NRXN1: variants seen among roughly 807,000 people sequenced by gnomAD.
NRXN1 encodes neurexin-1.
NRXN1 carries 39 observed loss-of-function variants against 150.9 expected under a neutral mutation model. The observed-to-expected ratio is 0.26, with a 90% CI of 0.20 to 0.34. The LOEUF (loss-of-function observed/expected upper bound fraction) is 0.34, where lower values mean the gene tolerates loss of function less well. Ranked by LOEUF, NRXN1 falls within the 10% of genes least tolerant of loss-of-function variation. NRXN1 has a pLI of 1.00. For synonymous variants in NRXN1, 924 were observed against 757.0 expected (o/e 1.22, Z -3.62); for missense variants, 1,815 against 1,949.9 (o/e 0.93, Z 1.30).
intron 5 of NRXN1, among the ~76,000 whole-genome samples, chr2:50,710,195 G>A (rs1276706436): frequency 6.6e-6 from 1 of 152,112 alleles, no homozygotes; most frequent in African/African-American, 2.4e-5. Flanking sequence ...TTCAACTGTC[G>A]ACCACACGCC....
In NRXN1 at chr2:50,346,607, A is replaced by T. The variant is rs754161721; in HGVS notation, c.3365-109637T>A. ...CTTTTGTCGAGCTCCCATTTCTCTG[A>T]GCCTTAGGAGCCCAGGAGCGAGTGC... is the stretch of plus-strand genomic sequence containing the variant. On this transcript the variant is annotated intron_variant, in intron 17 of 22. Transcript: ENST00000401669. The surrounding 1 kb of genome is among the most constrained non-coding windows in gnomAD (Gnocchi z 5.0). 3.5e-6 allele frequency: 5 copies of T among 1,445,166 alleles called. No individual in the cohort carries two copies. The highest frequency in any genetic ancestry group is 4.8e-6 in the Non-Finnish European group (5 of 1,032,548). 89.5% of individuals were successfully genotyped at this position (1,445,166 alleles called of 1,614,324 possible). A position where few individuals can be genotyped will look rare whatever the true frequency, so the allele number is the denominator to read the frequency against.
chr2:49,971,712 A>AT (rs1677993255), intron 21 of NRXN1, among the ~76,000 whole-genome samples: 1 of 152,114 alleles, frequency 6.6e-6, no homozygotes, highest in Non-Finnish European at 1.5e-5. Context: ...TGCTTAGTGA[A>AT]TTTTTTTCCA....
At chr2:50,554,287 A>C (rs537487085) in intron 8 of NRXN1, 1 of 152,306 alleles carries the variant, frequency 6.6e-6, no homozygotes, top group East Asian at 1.9e-4. Flanking sequence ...TATGAAGTCA[A>C]CCAAGACAAC....
At chr2:50,884,430 T>C (rs1329125583) in intron 5 of NRXN1, among the ~76,000 whole-genome samples, 1 of 151,732 alleles carries the variant, frequency 6.6e-6, no homozygotes, top group African/African-American at 2.4e-5. Context: ...TGCATTTCTG[T>C]GATTCAAAAT....
At chr2:50,265,359 C>G (rs75794725) in intron 17 of NRXN1, among the ~76,000 whole-genome samples, 1 of 152,092 alleles carries the variant, frequency 6.6e-6, no homozygotes, top group African/African-American at 2.4e-5. Flanking sequence ...CTCTTTTCTA[C>G]GTGAGATTAA....
At chr2:50,013,273 C>CTTTTTTTTTTT (rs3046630) in intron 21 of NRXN1, among the ~76,000 whole-genome samples, 2 of 136,152 alleles carry the variant, frequency 1.5e-5, no homozygotes, top group Admixed American at 7.5e-5. Flanking sequence ...ATTAAAGTTT[C>CTTTTTTTTTTT]TTTTTTTTTT....
chr2:50,354,607 T>A (rs1468561086), intron 17 of NRXN1, among the ~76,000 whole-genome samples: 1 of 130,666 alleles, frequency 7.7e-6, no homozygotes, highest in Non-Finnish European at 1.6e-5. Flanking sequence ...ACTAGCTTTT[T>A]GCTGTTGTTT....
intron 18 of NRXN1, among the ~76,000 whole-genome samples, chr2:50,146,705 T>C (rs538955685): frequency 4.0e-5 from 6 of 151,804 alleles, no homozygotes; most frequent in Admixed American, 2.6e-4. Context: ...ACATAGTTTT[T>C]ATGTTAGGCT....
chr2:51,015,229 T>A (rs1668483314), intron 2 of NRXN1, among the ~76,000 whole-genome samples: 1 of 152,042 alleles, frequency 6.6e-6, no homozygotes, highest in East Asian at 1.9e-4. Context: ...TTCTCTCCCA[T>A]CATCTTTTCT....
intron 2 of NRXN1, among the ~76,000 whole-genome samples, chr2:50,960,474 T>G (rs904749883): frequency 3.9e-5 from 6 of 151,902 alleles, no homozygotes; most frequent in African/African-American, 1.4e-4. Context: ...TAATGGAGGC[T>G]TAAAAAAGAA....
intron 5 of NRXN1, among the ~76,000 whole-genome samples, chr2:50,648,553 G>A (rs118160271): frequency 1.3e-5 from 2 of 152,100 alleles, no homozygotes; most frequent in South Asian, 2.1e-4. Flanking sequence ...GAAGTGGTCA[G>A]GACCTCAAAA....
chr2:50,999,699 T>G (rs563497908), intron 2 of NRXN1, among the ~76,000 whole-genome samples: 1 of 152,072 alleles, frequency 6.6e-6, no homozygotes, highest in Non-Finnish European at 1.5e-5. Flanking sequence ...ACCCAGTAAC[T>G]CAGGTCAAAC....
chr2:50,421,053 T>C (rs1221985485), intron 17 of NRXN1, among the ~76,000 whole-genome samples: 1 of 149,868 alleles, frequency 6.7e-6, no homozygotes, highest in Non-Finnish European at 1.5e-5. Context: ...CCTACCATAT[T>C]CTTATTCATA....
chr2:50,018,880 T>C (rs866965070), intron 21 of NRXN1, among the ~76,000 whole-genome samples: 2 of 152,188 alleles, frequency 1.3e-5, no homozygotes, highest in Non-Finnish European at 2.9e-5. Flanking sequence ...AAAAATCCTC[T>C]TTCATATCGA....
chr2:50,048,017 C>T (rs1218007257), intron 21 of NRXN1, among the ~76,000 whole-genome samples: 5 of 151,902 alleles, frequency 3.3e-5, no homozygotes, highest in East Asian at 1.9e-4. Flanking sequence ...AGTAAAACCT[C>T]CAGACCCCAA....
In NRXN1 at chr2:51,028,181, C is replaced by T; in HGVS notation, c.93G>A (p.Leu31=). 1 of 1,510,532 alleles carries T rather than the reference C, an allele frequency of 6.6e-7. No homozygotes were observed. The highest frequency in any genetic ancestry group is 8.8e-7 in the Non-Finnish European group (1 of 1,133,630). 93.6% of individuals were successfully genotyped at this position (1,510,532 alleles called of 1,614,324 possible). The part of the protein sequence containing the change: ...LGCWAELGSG[L]EFPGAEGQWT... Reference sequence around the variant, plus strand: ...ATTGGCCCTCGGCGCCCGGAAACTCCAGCCCGCTGCCCAGCTCCGCCCAGC... The same window carrying T: ...ATTGGCCCTCGGCGCCCGGAAACTCTAGCCCGCTGCCCAGCTCCGCCCAGC... The change falls in exon 2 of 23, where the codon CTG becomes CTA. Residue 31 remains leucine (L), a synonymous_variant. Transcript: ENST00000401669.
At chr2:50,644,111 T>A (rs543563704) in intron 5 of NRXN1, among the ~76,000 whole-genome samples, 95 of 151,818 alleles carry the variant, frequency 6.3e-4, no homozygotes, top group Middle Eastern at 6.8e-3. Flanking sequence ...ACCAGTATTT[T>A]TTAACGTTCA....
At chr2:50,753,827 C>G (rs1027843372) in intron 5 of NRXN1, among the ~76,000 whole-genome samples, 1 of 151,712 alleles carries the variant, frequency 6.6e-6, no homozygotes, top group East Asian at 1.9e-4. Flanking sequence ...GAATTTTTTA[C>G]TGCTGCAAAT....
chr2:50,801,951 A>G (rs1469141388), intron 5 of NRXN1, among the ~76,000 whole-genome samples: 1 of 152,206 alleles, frequency 6.6e-6, no homozygotes, highest in East Asian at 1.9e-4. Flanking sequence ...AAGGTTTTTA[A>G]GCCATAATAT....
Sources: gnomAD v4.1 joint callset for allele counts (sites outside exome capture counted in the v4.1 genomes callset) on GRCh38, gnomAD v4.1.1 for gene constraint, Gnocchi (gnomAD v3.1) non-coding constraint, MANE v1.5 for transcripts, NCBI Gene and HGNC (gene_info 2026-07-23, HGNC 2026-07-21) for gene names.